Variants in PNPLA7 observed in about 807,000 individuals in gnomAD.
PNPLA7 encodes patatin-like phospholipase domain-containing protein 7.
In PNPLA7, 153 loss-of-function variants were observed where a neutral mutation model predicts 161.7. The observed-to-expected ratio is 0.95, with a 90% CI of 0.83 to 1.08. The LOEUF is 1.08. Ranked by LOEUF, PNPLA7 falls within the 50% of genes least tolerant of loss-of-function variation. The pLI is 0.00. For missense variants in PNPLA7, 1,739 were observed against 1,856.6 expected (o/e 0.94, Z 1.16); for synonymous variants, 809 against 782.1 (o/e 1.03, Z -0.57).
intron 12 of PNPLA7, among the ~76,000 whole-genome samples, chr9:137,506,587 G>A (rs1026524195): frequency 6.6e-6 from 1 of 152,170 alleles, no homozygotes; most frequent in Non-Finnish European, 1.5e-5. Flanking sequence ...CCATCTCAGA[G>A]GTTCGCTCTT....
At chr9:137,493,353 C>T (rs1040342901) in intron 19 of PNPLA7, among the ~76,000 whole-genome samples, 2 of 152,204 alleles carry the variant, frequency 1.3e-5, no homozygotes, top group South Asian at 2.1e-4. Flanking sequence ...CCTCTGTGAC[C>T]GTGAGCCCAG....
Position 137,524,790 on chromosome 9 carries a change from G to A in PNPLA7, c.748-1933C>T, listed in dbSNP as rs932989978. Among the ~76,000 whole-genome samples the A allele has an allele frequency of 1.4e-5, 2 of 146,436 alleles. No individual in the cohort carries two copies. Among genetic ancestry groups the A allele is most frequent in the African/African-American group, 5.2e-5 (2 of 38,678 alleles). ...GTTTCCGTGGATGCCCCGTGGAATG[G>A]GTTTCCGTGGATGCCCCGTGGAATG... is the stretch of plus-strand genomic sequence containing the variant. On this transcript the variant is annotated intron_variant, in intron 8 of 34. Transcript: ENST00000406427. The surrounding 1 kb of genome is among the most constrained non-coding windows in gnomAD (Gnocchi z 4.4).
chr9:137,495,415 C>T (rs1018715099), intron 18 of PNPLA7, among the ~76,000 whole-genome samples: 1 of 152,092 alleles, frequency 6.6e-6, no homozygotes, highest in African/African-American at 2.4e-5. Flanking sequence ...TCAGCTCTCC[C>T]GAAGAAATAA....
rs1405177051 is a variant in PNPLA7, at chr9:137,523,236, G to A, written c.748-379C>T. ...ATCAGCGTCGGTACCCCTCGCCAAA[G>A]GGCGTGCCAGACACCAACCTGAGCG... On this transcript the variant is annotated intron_variant, in intron 8 of 34. Transcript: ENST00000406427. This position sits in a 1 kb window ranked among gnomAD's most constrained non-coding sequence, Gnocchi z 4.4. Among the ~76,000 whole-genome samples the A allele has an allele frequency of 6.6e-6, 1 of 152,172 alleles. No homozygotes were observed. The highest frequency in any genetic ancestry group is 2.1e-4 in the South Asian group (1 of 4,820).
rs1588676414 is a variant in PNPLA7, at chr9:137,522,846, T to G, written c.759A>C (p.Ala253=). The G allele has an allele frequency of 6.2e-7, 1 of 1,613,234 alleles. No homozygotes were observed. Among genetic ancestry groups the G allele is most frequent in the African/African-American group, 1.3e-5 (1 of 74,856 alleles). The change falls in exon 9 of 35, where the codon GCA becomes GCC. Residue 253 remains alanine, a synonymous_variant. Transcript: ENST00000406427. Reference sequence around the variant, plus strand: ...CGCGGACGGAGACCGTTTTGTAAGGTGCAGCATGGCCCTGTAACAACAGCT... The same window carrying G: ...CGCGGACGGAGACCGTTTTGTAAGGGGCAGCATGGCCCTGTAACAACAGCT... ...SILDIITGHA[A]PYKTVSVRAA...
intron 21 of PNPLA7, 25 bp downstream of exon 21, chr9:137,484,562 T>G (rs1213403192): frequency 6.4e-7 from 1 of 1,565,696 alleles, no homozygotes; most frequent in Non-Finnish European, 8.7e-7. Flanking sequence ...CAAGGATGGC[T>G]GGAGGCTGGG....
chr9:137,480,656 C>T (rs979380288), intron 22 of PNPLA7, 176 bp from the exon 23 acceptor site: 8 of 790,442 alleles, frequency 1.0e-5, no homozygotes, highest in East Asian at 2.7e-5. Context: ...TAGGCAGTCA[C>T]GCAGAGGCTG....
chr9:137,472,739 G>A (rs141640751), intron 25 of PNPLA7, among the ~76,000 whole-genome samples: 1,760 of 150,706 alleles, frequency 0.012, 44 homozygotes, highest in Middle Eastern at 0.039. Flanking sequence ...GGCAGATCAC[G>A]AGGTCAGGAG....
chr9:137,482,136 G>C (rs1225400124), intron 21 of PNPLA7, among the ~76,000 whole-genome samples: 13 of 152,214 alleles, frequency 8.5e-5, no homozygotes, highest in Admixed American at 8.5e-4. Context: ...ACTGCTGTGG[G>C]ACTGCAGCCT....
chr9:137,547,522 G>A lies in PNPLA7; in HGVS notation c.105+63C>T, dbSNP rs1173834923. 12 of 1,598,652 alleles carry A rather than the reference G, an allele frequency of 7.5e-6. No individual in the cohort carries two copies. In the East Asian group the frequency reaches 2.2e-4, roughly 30 times the overall value. On this transcript the variant is annotated intron_variant, in intron 2 of 34. Transcript: ENST00000406427. This position sits in a 1 kb window ranked among gnomAD's most constrained non-coding sequence, Gnocchi z 4.6. ...AGGAATGAGCCAGGGGATGGGGACAGGGAGAGGTGAAAAAGGCCACGGCCC... is the reference window on the plus strand; with the variant it reads ...AGGAATGAGCCAGGGGATGGGGACAAGGAGAGGTGAAAAAGGCCACGGCCC...
At position 137,500,062 on chromosome 9, in the gene PNPLA7, G is replaced by A. The variant is rs1019182365; in HGVS notation, c.1757+629C>T. Among the ~76,000 whole-genome samples, 2 of 152,256 alleles carry A rather than the reference G, an allele frequency of 1.3e-5. No individual in the cohort carries two copies. Among genetic ancestry groups the A allele is most frequent in the African/African-American group, 2.4e-5 (1 of 41,464 alleles). ...ATGCAAAGACGTGGCGGCTCTGCCA[G>A]GCAGCCACAGGCGGGCCGAGGGCAG... is the stretch of plus-strand genomic sequence containing the variant. On this transcript the variant is annotated intron_variant, in intron 16 of 34. Coordinates refer to ENST00000406427, the MANE Select transcript of PNPLA7 (RefSeq NM_001098537.3). The surrounding 1 kb of genome is among the most constrained non-coding windows in gnomAD (Gnocchi z 5.5).
At position 137,545,698 on chromosome 9, in the gene PNPLA7, G is replaced by A. The variant is rs185347073; in HGVS notation, c.273+1132C>T. Among the ~76,000 whole-genome samples, 901 of 152,108 alleles carry A rather than the reference G, an allele frequency of 5.9e-3. 7 individuals are homozygous for A. The highest frequency in any genetic ancestry group is 0.014 in the African/African-American group (602 of 41,536). On this transcript the variant is annotated intron_variant, in intron 4 of 34. Transcript: ENST00000406427. ...TAATAATCCTCACTCTATAATCATAGCCTAGGAAAAACCAGGCCATACAGA... is the reference window on the plus strand; with the variant it reads ...TAATAATCCTCACTCTATAATCATAACCTAGGAAAAACCAGGCCATACAGA...
chr9:137,462,051 C>A lies in PNPLA7; in HGVS notation c.3646-10G>T, dbSNP rs41307436. On this transcript the variant is annotated splice_polypyrimidine_tract_variant and intron_variant, in intron 31 of 34. Transcript: ENST00000406427. The stretch of plus-strand genomic sequence containing the variant: ...GCTGGTAGCCCACTTCCTGTGCACA[C>A]CCCCAGGGCCCCGTCAGGAGGTGTG... 0.036 allele frequency: 56,048 copies of A among 1,568,756 alleles called. 1,160 individuals carry two copies. The highest frequency in any genetic ancestry group is 0.066 in the Admixed American group (3,591 of 54,668).
intron 16 of PNPLA7, among the ~76,000 whole-genome samples, chr9:137,498,562 G>A (rs933547437): frequency 1.3e-5 from 2 of 152,240 alleles, no homozygotes; most frequent in African/African-American, 4.8e-5. Flanking sequence ...ATGCCGTCAG[G>A]AGCTGCATAA....
chr9:137,462,126 A>G, intron 31 of PNPLA7, 53 bp downstream of exon 31: 2 of 1,526,284 alleles, frequency 1.3e-6, no homozygotes, highest in Non-Finnish European at 1.8e-6. Context: ...GAGGAGGGGC[A>G]GCCACCAGAG....
At chr9:137,516,317 G>A (rs1564341879) in intron 11 of PNPLA7, 3 of 984,160 alleles carry the variant, frequency 3.0e-6, no homozygotes, top group Admixed American at 6.2e-5. Flanking sequence ...GTGAAACGAG[G>A]AAGGAGCCTG....
At chr9:137,463,096 C>T (rs1247768723) in intron 29 of PNPLA7, 2 of 598,270 alleles carry the variant, frequency 3.3e-6, no homozygotes, top group East Asian at 5.6e-5. Context: ...CACCTGCAGG[C>T]TGTTAGTTTC....
chr9:137,464,812 A>G (rs2132066446), intron 26 of PNPLA7: 1 of 286,942 alleles, frequency 3.5e-6, no homozygotes, highest in Admixed American at 4.8e-5. Context: ...CTGGAGGGTC[A>G]GCGAGGAGGA....
chr9:137,503,643 AG>A (rs765748540), intron 14 of PNPLA7, among the ~76,000 whole-genome samples: 93 of 126,712 alleles, frequency 7.3e-4, no homozygotes, highest in Non-Finnish European at 1.3e-3. Flanking sequence ...GAGAAGGAGA[AG>A]GGGGAGGAAG....
Sources: allele counts gnomAD v4.1 joint callset (sites outside exome capture counted in the v4.1 genomes callset), GRCh38; gene constraint gnomAD v4.1.1; non-coding constraint Gnocchi (gnomAD v3.1); transcripts MANE v1.5; gene names NCBI Gene and HGNC (gene_info 2026-07-23, HGNC 2026-07-21).